The following CCDC92 variants were observed in gnomAD, a reference collection of about 807,000 sequenced individuals.
CCDC92 encodes the protein coiled-coil domain-containing protein 92.
Under a neutral mutation model 24.9 loss-of-function variants are expected in CCDC92, and 12 were observed. The observed-to-expected ratio is 0.48, with a 90% CI of 0.31 to 0.78. CCDC92 has a LOEUF of 0.78. Among genes scored for constraint, CCDC92 ranks in the 30% least tolerant of loss-of-function variants. CCDC92 has a pLI of 0.05. For synonymous variants in CCDC92, 193 were observed against 196.3 expected (o/e 0.98, Z 0.14); for missense variants, 399 against 439.4 (o/e 0.91, Z 0.82).
intron 1 of CCDC92, among the ~76,000 whole-genome samples, chr12:123,951,000 C>T (rs1243158966): frequency 1.3e-5 from 2 of 152,162 alleles, no homozygotes; most frequent in Admixed American, 1.3e-4. Flanking sequence ...TGTCAACACT[C>T]GGGTCCTCTA....
chr12:123,965,067 C>CT (rs1173915732), intron 1 of CCDC92, among the ~76,000 whole-genome samples: 2 of 151,878 alleles, frequency 1.3e-5, no homozygotes, highest in African/African-American at 4.8e-5. Flanking sequence ...AATACTGGGT[C>CT]TTTTTTTTAA....
intron 1 of CCDC92, 23 bp from the exon 2 acceptor site, chr12:123,944,387 TTGC>T (rs1301801564): frequency 8.1e-7 from 1 of 1,237,636 alleles, no homozygotes; most frequent in Non-Finnish European, 1.1e-6. Flanking sequence ...TGTGAGTTAT[TTGC>T]TTATAAATTA....
At chr12:123,956,067 G>A (rs1956143561) in intron 1 of CCDC92, among the ~76,000 whole-genome samples, 1 of 152,158 alleles carries the variant, frequency 6.6e-6, no homozygotes, top group South Asian at 2.1e-4. Flanking sequence ...AGACAGGGAG[G>A]ACATTAGAGA....
At chr12:123,950,575 A>G (rs1484316844) in intron 1 of CCDC92, among the ~76,000 whole-genome samples, 1 of 152,162 alleles carries the variant, frequency 6.6e-6, no homozygotes, top group African/African-American at 2.4e-5. Context: ...TCCACTATGT[A>G]GCATGTGCGT....
intron 1 of CCDC92, chr12:123,945,591 CAAAG>C (rs771188173): frequency 6.6e-6 from 1 of 152,250 alleles, no homozygotes; most frequent in Admixed American, 6.5e-5. Flanking sequence ...GCCTCAGCGT[CAAAG>C]GAAGGAAAAT....
At chr12:123,971,499 G>A (rs1594524326) in intron 1 of CCDC92, 1 of 151,518 alleles carries the variant, frequency 6.6e-6, no homozygotes, top group Admixed American at 6.6e-5. Flanking sequence ...GTTTTAAAAT[G>A]GCAATCCTAG....
intron 1 of CCDC92, among the ~76,000 whole-genome samples, chr12:123,961,669 G>A (rs1282025948): frequency 6.6e-6 from 1 of 152,230 alleles, no homozygotes; most frequent in Non-Finnish European, 1.5e-5. Context: ...GCAGGGTGAA[G>A]CAGACAGAAA....
chr12:123,965,930 G>C (rs1261863907), intron 1 of CCDC92: 2 of 152,216 alleles, frequency 1.3e-5, no homozygotes, highest in African/African-American at 4.8e-5. Flanking sequence ...CTACGGATGG[G>C]GCTGTAGGGT....
chr12:123,961,840 G>A (rs1956278937), intron 1 of CCDC92, among the ~76,000 whole-genome samples: 1 of 152,176 alleles, frequency 6.6e-6, no homozygotes, highest in Admixed American at 6.5e-5. Flanking sequence ...TAAGCTTGGA[G>A]GGTTAAATGA....
intron 1 of CCDC92, among the ~76,000 whole-genome samples, chr12:123,955,039 A>G (rs1055914375): frequency 6.6e-6 from 1 of 152,198 alleles, no homozygotes; most frequent in African/African-American, 2.4e-5. Context: ...CCCTCCGTGC[A>G]TCCTCCTCCT....
intron 1 of CCDC92, among the ~76,000 whole-genome samples, chr12:123,948,272 C>A (rs1955933878): frequency 6.6e-6 from 1 of 152,188 alleles, no homozygotes; most frequent in South Asian, 2.1e-4. Flanking sequence ...GAATGGAGTA[C>A]AAATGTTATC....
chr12:123,963,082 G>A (rs1956311658), intron 1 of CCDC92, among the ~76,000 whole-genome samples: 1 of 152,168 alleles, frequency 6.6e-6, no homozygotes, highest in Non-Finnish European at 1.5e-5. Flanking sequence ...GTGGGTGGGT[G>A]CCACCAGCAT....
chr12:123,954,018 AC>A (rs1368859517), intron 1 of CCDC92, among the ~76,000 whole-genome samples: 2 of 152,220 alleles, frequency 1.3e-5, no homozygotes, highest in African/African-American at 4.8e-5. Flanking sequence ...GGTGATTTTT[AC>A]CTTTTAAAAG....
At chr12:123,961,309 TG>T (rs1479330547) in intron 1 of CCDC92, 2 of 152,102 alleles carry the variant, frequency 1.3e-5, no homozygotes, top group Non-Finnish European at 2.9e-5. Flanking sequence ...ACCTAATAAA[TG>T]AGTGAATAAG....
chr12:123,947,610 T>G (rs543577731), intron 1 of CCDC92, among the ~76,000 whole-genome samples: 44 of 152,250 alleles, frequency 2.9e-4, no homozygotes, highest in Non-Finnish European at 6.2e-4. Context: ...TTGGAGAACC[T>G]TTGTGTGGAT....
intron 2 of CCDC92, chr12:123,943,843 A>G (rs1955766363): frequency 4.4e-6 from 2 of 453,296 alleles, no homozygotes; most frequent in Non-Finnish European, 8.0e-6. Flanking sequence ...CTGGGGTCAC[A>G]CAGCCAGTGA....
At chr12:123,961,787 C>CT (rs1440399819) in intron 1 of CCDC92, among the ~76,000 whole-genome samples, 3 of 152,184 alleles carry the variant, frequency 2.0e-5, no homozygotes, top group South Asian at 2.1e-4. Flanking sequence ...GATCAACACT[C>CT]TAAGGAGCAG....
Position 123,937,092 on chromosome 12 carries a change from A to C in CCDC92, c.962T>G (p.Val321Gly). The change falls in exon 5 of 5, where the codon GTG becomes GGG. Residue 321 changes from valine (V) to glycine (G), a missense_variant. Coordinates refer to ENST00000238156, the MANE Select transcript of CCDC92 (RefSeq NM_025140.3). This position sits in a 1 kb window ranked among gnomAD's most constrained non-coding sequence, Gnocchi z 8.4. ...TCTGTCCGTCCCTGAGTGCTTCCTC[A>C]CCACCTTGCCTCCGTTCACCTGGTC... ...AVDQVNGGKV[V>G]RKHSGTDRTV The C allele has an allele frequency of 6.2e-7, 1 of 1,613,852 alleles. No homozygotes were observed.
At chr12:123,970,241 C>T (rs1956495005) in intron 1 of CCDC92, 1 of 152,114 alleles carries the variant, frequency 6.6e-6, no homozygotes, top group Non-Finnish European at 1.5e-5. Context: ...CCCAGGAGTC[C>T]CTCTCAGAAA....
Sources: allele counts gnomAD v4.1 joint callset (sites outside exome capture counted in the v4.1 genomes callset), GRCh38; gene constraint gnomAD v4.1.1; non-coding constraint Gnocchi (gnomAD v3.1); transcripts MANE v1.5; gene names NCBI Gene and HGNC (gene_info 2026-07-23, HGNC 2026-07-21).